The following LATS1 variants were observed in gnomAD, a reference collection of about 807,000 sequenced individuals.
LATS1 encodes serine/threonine-protein kinase LATS1.
In LATS1, 25 loss-of-function variants were observed where a neutral mutation model predicts 106.6. The ratio of observed to expected loss-of-function variants is 0.23; its 90% CI spans 0.17 to 0.33. LATS1 has a LOEUF of 0.33. Ranked by LOEUF, LATS1 falls within the 10% of genes least tolerant of loss-of-function variation. The pLI, the probability that LATS1 is intolerant of heterozygous loss-of-function variation, is 1.00. For missense variants in LATS1, 1,040 were observed against 1,382.6 expected, an observed-to-expected ratio of 0.75 and a Z score of 3.93; for synonymous variants, 465 against 455.6, an observed-to-expected ratio of 1.02 and a Z score of -0.26.
intron 7 of LATS1, among the ~76,000 whole-genome samples, chr6:149,670,171 C>CAAAAAAAAAAAAAAA (rs1177166262): frequency 7.3e-4 from 23 of 31,496 alleles, no homozygotes; most frequent in South Asian, 1.1e-3. Flanking sequence ...AATTGCATCT[C>CAAAAAAAAAAAAAAA]AAAAAAAAAA....
chr6:149,673,903 G>A (rs1447746885), intron 7 of LATS1, among the ~76,000 whole-genome samples: 1 of 151,456 alleles, frequency 6.6e-6, no homozygotes, highest in Non-Finnish European at 1.5e-5. Context: ...TCGAACTCCC[G>A]ACTTCAGGTG....
intron 7 of LATS1, among the ~76,000 whole-genome samples, chr6:149,668,423 T>C (rs1781273695): frequency 6.7e-6 from 1 of 149,002 alleles, no homozygotes; most frequent in South Asian, 2.1e-4. Flanking sequence ...TAAACATAAA[T>C]GACTATTCTT....
intron 3 of LATS1, among the ~76,000 whole-genome samples, chr6:149,694,234 T>A (rs1311291664): frequency 6.6e-6 from 1 of 152,254 alleles, no homozygotes; most frequent in African/African-American, 2.4e-5. Context: ...ATAAGGGTAA[T>A]TACTGCAGTG....
At chr6:149,665,099 C>T (rs1345989685) in intron 7 of LATS1, among the ~76,000 whole-genome samples, 6 of 152,152 alleles carry the variant, frequency 3.9e-5, no homozygotes, top group Admixed American at 1.3e-4. Flanking sequence ...TGGCTCATCA[C>T]GCCTGTAATC....
At chr6:149,687,297 G>A (rs891405567) in intron 3 of LATS1, among the ~76,000 whole-genome samples, 12 of 152,044 alleles carry the variant, frequency 7.9e-5, no homozygotes, top group Non-Finnish European at 1.6e-4. Flanking sequence ...CACCATGTTG[G>A]TCAGGCTGGT....
At chr6:149,682,295 G>A (rs537458273) in intron 4 of LATS1, among the ~76,000 whole-genome samples, 5 of 151,982 alleles carry the variant, frequency 3.3e-5, no homozygotes, top group Admixed American at 6.6e-5. Context: ...ATAACTGAAG[G>A]AAACTTCTTT....
chr6:149,709,666 A>ATC (rs1783981214), intron 1 of LATS1, among the ~76,000 whole-genome samples: 1 of 75,890 alleles, frequency 1.3e-5, no homozygotes, highest in Non-Finnish European at 2.7e-5. Flanking sequence ...ACAACCCCTT[A>ATC]TCTTTTTTTT....
intron 2 of LATS1, chr6:149,697,073 G>A (rs775490326): frequency 2.8e-6 from 3 of 1,080,150 alleles, no homozygotes; most frequent in Non-Finnish European, 3.8e-6. Flanking sequence ...CATTTTTCAA[G>A]AGGGAGGCAA....
In LATS1 at chr6:149,684,592, C is replaced by T. The variant is rs1315617751; in HGVS notation, c.497G>A (p.Gly166Glu). The T allele has an allele frequency of 1.3e-6, 2 of 1,579,216 alleles. No individual in the cohort carries two copies. Among genetic ancestry groups the T allele is most frequent in the Admixed American group, 1.8e-5 (1 of 55,708 alleles). ...ARPINASMKP[G>E]NVQQSVNRKQ... ...GCGGTTAACTGATTGCTGCACATTC[C>T]CTATGGTTATAAGAGAGATAAAGAG... The change falls in exon 4 of 8, where the codon GGG (glycine) becomes GAG (glutamate). Residue 166 changes from glycine (G) to glutamate (E), a missense_variant and splice_region_variant. Gly to Glu is a moderately conservative substitution (Grantham distance 98). This residue lies in a region of LATS1 where 624 missense variants were observed against 714.8 expected (regional missense o/e 0.87). Coordinates refer to ENST00000543571, the MANE Select transcript of LATS1 (RefSeq NM_004690.4).
At chr6:149,678,151 T>C (rs1781824566) in intron 5 of LATS1, among the ~76,000 whole-genome samples, 1 of 105,626 alleles carries the variant, frequency 9.5e-6, no homozygotes, top group African/African-American at 3.7e-5. Context: ...AAACCTGGTC[T>C]CTACTAAAAA....
chr6:149,664,996 G>A (rs576932400), intron 7 of LATS1, among the ~76,000 whole-genome samples: 1 of 152,160 alleles, frequency 6.6e-6, no homozygotes, highest in African/African-American at 2.4e-5. Flanking sequence ...TAGCAACGGA[G>A]GTGGCAATAA....
At chr6:149,693,841 G>A (rs1287324878) in intron 3 of LATS1, among the ~76,000 whole-genome samples, 1 of 152,154 alleles carries the variant, frequency 6.6e-6, no homozygotes, top group Non-Finnish European at 1.5e-5. Flanking sequence ...TGTAATCCCA[G>A]CACTTTGGGA....
rs916191909 is a variant in LATS1, at chr6:149,660,614, A to G, written c.*1115T>C. ...TAATCTTCCTTAGAACCTAAGCGTT[A>G]TACATAACAGGCATGTTGAACGCAT... On this transcript the variant is annotated 3_prime_UTR_variant, in exon 8 of 8. Transcript: ENST00000543571. 2 of 232,320 alleles carry G rather than the reference A, an allele frequency of 8.6e-6. No homozygotes were observed. Among genetic ancestry groups the G allele is most frequent in the African/African-American group, 4.4e-5 (2 of 45,312 alleles). 14.4% of individuals were successfully genotyped at this position (232,320 alleles called of 1,614,324 possible). A position where few individuals can be genotyped will look rare whatever the true frequency, so the allele number is the denominator to read the frequency against.
chr6:149,682,757 T>C (rs1331382761), intron 4 of LATS1, among the ~76,000 whole-genome samples: 1 of 152,142 alleles, frequency 6.6e-6, no homozygotes, highest in Non-Finnish European at 1.5e-5. Context: ...TGTTGTAAGA[T>C]ATTGTATGAA....
At position 149,667,660 on chromosome 6, in the gene LATS1, C is replaced by T. The variant is rs569060682; in HGVS notation, c.2884-5422G>A. ...TTTGAAGACATGATGGCTGAACACA[C>T]CCCAAATTTGATCAAACACATAAAC... On this transcript the variant is annotated intron_variant, in intron 7 of 7. Transcript: ENST00000543571. 2.0e-5 allele frequency among the ~76,000 whole-genome samples: 3 copies of T among 152,116 alleles called. 1 individual carries two copies. In the South Asian group the frequency reaches 6.2e-4, roughly 32 times the overall value.
rs149442947 is a variant in LATS1 at position 149,704,492 on chromosome 6, T to G, written c.-140-2226A>C. Among the ~76,000 whole-genome samples, 19 of 126,918 alleles carry G rather than the reference T, an allele frequency of 1.5e-4. 1 individual carries two copies. The South Asian group carries it at 1.6e-3, about 11-fold the overall frequency. The allele number at this position is 126,918 out of a possible 152,430, so 83.3% of individuals were successfully genotyped here. A position where few individuals can be genotyped will look rare whatever the true frequency, so the allele number is the denominator to read the frequency against. On this transcript the variant is annotated intron_variant, in intron 1 of 7. Coordinates refer to ENST00000543571, the MANE Select transcript of LATS1 (RefSeq NM_004690.4). ...TGGGTAAACTTAGGGGTTTTTTTTT[T>G]GTTTTTTTTTTTGAGACAGGGTCTC...
intron 2 of LATS1, among the ~76,000 whole-genome samples, chr6:149,699,283 A>G (rs1411314279): frequency 6.6e-6 from 1 of 152,148 alleles, no homozygotes; most frequent in Non-Finnish European, 1.5e-5. Flanking sequence ...CACCATTGGT[A>G]TAAATAATAC....
At chr6:149,676,923 T>C (rs1195301962) in intron 5 of LATS1, among the ~76,000 whole-genome samples, 186 bp from the exon 6 acceptor site, 1 of 152,176 alleles carries the variant, frequency 6.6e-6, no homozygotes, top group East Asian at 1.9e-4. Flanking sequence ...GAGATGTCAA[T>C]AGGAAGGATT....
At chr6:149,676,785 A>C in intron 5 of LATS1, 48 bp from the exon 6 acceptor site, 2 of 1,512,206 alleles carry the variant, frequency 1.3e-6, no homozygotes, top group Non-Finnish European at 1.8e-6. Flanking sequence ...GACAACAGTA[A>C]ACCTGAAGTC....
Sources: allele counts gnomAD v4.1 joint callset (sites outside exome capture counted in the v4.1 genomes callset), GRCh38; gene constraint gnomAD v4.1.1; regional missense constraint gnomAD v4.1.1; transcripts MANE v1.5; gene names NCBI Gene and HGNC (gene_info 2026-07-23, HGNC 2026-07-21).